RNF17: variants seen among roughly 807,000 people sequenced by gnomAD.
RNF17 encodes the protein ring finger protein 17.
In RNF17, 31 loss-of-function variants were observed where a neutral mutation model predicts 200.5. The ratio of observed to expected loss-of-function variants is 0.15; its 90% CI spans 0.12 to 0.21. The LOEUF is 0.21. Among genes scored for constraint, RNF17 ranks in the 10% least tolerant of loss-of-function variants. RNF17 has a pLI of 1.00. For missense variants in RNF17, 1,628 were observed against 1,905.1 expected (o/e 0.85, Z 2.71); for synonymous variants, 606 against 637.8 (o/e 0.95, Z 0.75).
downstream of RNF17, chr13:24,884,450 T>C (rs200051824): frequency 6.2e-7 from 1 of 1,614,104 alleles, no homozygotes; most frequent in South Asian, 1.1e-5. Flanking sequence ...CCCATTCTTA[T>C]AAACCTTTTC....
At chr13:24,808,545 C>T (rs1453864396) in intron 15 of RNF17, among the ~76,000 whole-genome samples, 1 of 117,330 alleles carries the variant, frequency 8.5e-6, no homozygotes, top group Admixed American at 9.4e-5. Context: ...AGATTTTGGG[C>T]TGAGACAATG....
chr13:24,819,657 C>T (rs1157679994), intron 15 of RNF17, among the ~76,000 whole-genome samples: 1 of 152,152 alleles, frequency 6.6e-6, no homozygotes, highest in Non-Finnish European at 1.5e-5. Context: ...CTCTCTTTTT[C>T]CAGTATTTTT....
chr13:24,814,840 A>G (rs1285035883), intron 15 of RNF17, among the ~76,000 whole-genome samples: 1 of 152,184 alleles, frequency 6.6e-6, no homozygotes, highest in Non-Finnish European at 1.5e-5. Context: ...AGTGTCTCTT[A>G]AGATTCCATG....
At chr13:24,861,212 G>A in intron 26 of RNF17, 56 bp from the exon 27 acceptor site, 2 of 1,433,184 alleles carry the variant, frequency 1.4e-6, no homozygotes, top group South Asian at 1.2e-5. Context: ...AATTCCTTTT[G>A]TCCCCTAGCT....
At chr13:24,805,504 T>G (rs952836776) in intron 15 of RNF17, among the ~76,000 whole-genome samples, 1 of 152,216 alleles carries the variant, frequency 6.6e-6, no homozygotes, top group Non-Finnish European at 1.5e-5. Flanking sequence ...TTTTCAAGGT[T>G]CCTATTATGT....
chr13:24,884,688 T>C (rs747657731), downstream of RNF17, among the ~76,000 whole-genome samples: 8 of 152,194 alleles, frequency 5.3e-5, no homozygotes, highest in Non-Finnish European at 1.0e-4. Flanking sequence ...CCTTCCCTTA[T>C]CAACAATTTG....
rs77242212 is a variant in RNF17 at position 24,827,870 on chromosome 13, G to A, written c.2245+2098G>A. On this transcript the variant is annotated intron_variant, in intron 16 of 35. Coordinates refer to ENST00000255324, the MANE Select transcript of RNF17 (RefSeq NM_031277.3). ...AGAGGGGAGAGACACTGTATCCTCT[G>A]ATGCCAGAAGTATGAAAAAGGAAGG... 5.3e-3 allele frequency among the ~76,000 whole-genome samples: 807 copies of A among 152,092 alleles called. 22 individuals carry two copies. The East Asian group carries it at 0.081, about 15-fold the overall frequency.
At chr13:24,884,610 A>C, downstream of RNF17, 2 of 785,722 alleles carry the variant, frequency 2.5e-6, no homozygotes, top group Non-Finnish European at 4.3e-6. Context: ...AGGAGTAGCA[A>C]ACTCGTGATT....
chr13:24,873,489 T>C (rs1460624486), intron 32 of RNF17, among the ~76,000 whole-genome samples: 1 of 152,208 alleles, frequency 6.6e-6, no homozygotes, highest in Non-Finnish European at 1.5e-5. Context: ...ATTACCTGCA[T>C]AGAATGTGTA....
chr13:24,832,652 G>A (rs1020757531), intron 18 of RNF17, among the ~76,000 whole-genome samples: 1 of 152,154 alleles, frequency 6.6e-6, no homozygotes, highest in African/African-American at 2.4e-5. Context: ...TACACGATAG[G>A]TGCTGAGTAG....
the RNF17 span, among the ~76,000 whole-genome samples, chr13:24,752,902 G>A: frequency 6.6e-6 from 1 of 152,162 alleles, no homozygotes; most frequent in Admixed American, 6.5e-5. Flanking sequence ...TGGCCTGCGT[G>A]GCCCTACTTG....
chr13:24,847,024 A>T (rs139951940), intron 22 of RNF17, among the ~76,000 whole-genome samples: 1 of 149,802 alleles, frequency 6.7e-6, no homozygotes. Flanking sequence ...CCTGTGTGTG[A>T]TTTTTTTTTT....
chr13:24,796,229 G>A lies in RNF17; in HGVS notation c.1333G>A (p.Glu445Lys), dbSNP rs762842516. ...ACAAATAAAAGACGCCAAAGTACTG[G>A]AGAAGAAGGTGAATGAATTTTGCAA... ...YSQIKDAKVL[E>K]KKVNEFCNRS... Residue 445 changes from glutamate (E) to lysine (K), a missense_variant, in exon 11 of 36, where the codon GAG becomes AAG. Coordinates refer to ENST00000255324, the MANE Select transcript of RNF17 (RefSeq NM_031277.3). 1 of 1,612,518 alleles carries A rather than the reference G, an allele frequency of 6.2e-7. No homozygotes were observed. The highest frequency in any genetic ancestry group is 1.1e-5 in the South Asian group (1 of 90,898).
intron 23 of RNF17, 136 bp downstream of exon 23, chr13:24,850,579 T>A: frequency 1.7e-6 from 1 of 582,662 alleles, no homozygotes; most frequent in Non-Finnish European, 3.0e-6. Context: ...TATTTCAAAG[T>A]ATAAGAGGCA....
chr13:24,793,654 GAT>G (rs1188527405), intron 10 of RNF17, among the ~76,000 whole-genome samples: 6 of 152,174 alleles, frequency 3.9e-5, no homozygotes, highest in Admixed American at 1.3e-4. Context: ...TAAATAGAGA[GAT>G]GTGATTTGTG....
At chr13:24,749,614 CATT>C in the RNF17 span, among the ~76,000 whole-genome samples, 1 of 152,166 alleles carries the variant, frequency 6.6e-6, no homozygotes, top group Non-Finnish European at 1.5e-5. Context: ...AATATGAGAT[CATT>C]GAGTTGGACC....
chr13:24,884,423 A>AAC, downstream of RNF17: 1 of 1,614,096 alleles, frequency 6.2e-7, no homozygotes, highest in Non-Finnish European at 8.5e-7. Context: ...TCCATTGGGA[A>AAC]ACAGTATAAC....
chr13:24,818,994 T>C (rs914884973), intron 15 of RNF17, among the ~76,000 whole-genome samples: 3 of 152,132 alleles, frequency 2.0e-5, no homozygotes, highest in African/African-American at 7.2e-5. Flanking sequence ...TTAGTTGCTT[T>C]TTTCTTTTTA....
intron 15 of RNF17, among the ~76,000 whole-genome samples, chr13:24,817,416 T>C (rs1887533339): frequency 6.6e-6 from 1 of 152,190 alleles, no homozygotes; most frequent in South Asian, 2.1e-4. Context: ...TTCAATAATC[T>C]CTTACAATTT....
Sources: gnomAD v4.1 joint callset for allele counts (sites outside exome capture counted in the v4.1 genomes callset) on GRCh38, gnomAD v4.1.1 for gene constraint, MANE v1.5 for transcripts, NCBI Gene and HGNC (gene_info 2026-07-23, HGNC 2026-07-21) for gene names.